The following LIN7A variants were observed in gnomAD, a reference collection of about 807,000 sequenced individuals.
LIN7A encodes the protein lin-7 cell polarity scaffold A.
LIN7A carries 25 observed loss-of-function variants against 29.8 expected under a neutral mutation model. The observed-to-expected ratio is 0.84, with a 90% CI of 0.61 to 1.17. The LOEUF is 1.17. Ranked by LOEUF, LIN7A falls within the 50% of genes most tolerant of loss-of-function variation. The pLI is 0.00. For synonymous variants in LIN7A, 118 were observed against 107.5 expected, an observed-to-expected ratio of 1.10 and a Z score of -0.60; for missense variants, 239 against 287.0, an observed-to-expected ratio of 0.83 and a Z score of 1.21.
At position 80,831,908 on chromosome 12, in the gene LIN7A, A is replaced by C. The variant is rs1872367267; in HGVS notation, c.483+13822T>G. Among the ~76,000 whole-genome samples, 3 of 152,222 alleles carry C rather than the reference A, an allele frequency of 2.0e-5. No homozygotes were observed. In the South Asian group the frequency reaches 6.2e-4, roughly 32 times the overall value. On this transcript the variant is annotated intron_variant, in intron 4 of 5. Transcript: ENST00000552864. The stretch of plus-strand genomic sequence containing the variant: ...TTCAAAATGTAAACAGATCATGGCC[A>C]CAAAAATAAGGGGAATTTCAGGATG...
chr12:80,857,198 GC>G (rs1873648110), intron 2 of LIN7A, among the ~76,000 whole-genome samples: 1 of 152,154 alleles, frequency 6.6e-6, no homozygotes, highest in African/African-American at 2.4e-5. Context: ...CACCTTCTAG[GC>G]CAAGCCAGAT....
At chr12:80,859,862 G>T (rs1241235096) in intron 2 of LIN7A, among the ~76,000 whole-genome samples, 2 of 151,996 alleles carry the variant, frequency 1.3e-5, no homozygotes, top group Non-Finnish European at 2.9e-5. Flanking sequence ...TACTTTTAAT[G>T]TTTATTAGTT....
intron 1 of LIN7A, among the ~76,000 whole-genome samples, chr12:80,895,607 C>A (rs959701096): frequency 6.6e-6 from 1 of 152,192 alleles, no homozygotes; most frequent in African/African-American, 2.4e-5. Flanking sequence ...AAAGAGAATG[C>A]ACTTCTTTTT....
Position 80,927,313 on chromosome 12 carries a change from C to T in LIN7A, c.82+10328G>A, listed in dbSNP as rs1012965910. 2.0e-5 allele frequency among the ~76,000 whole-genome samples: 3 copies of T among 151,938 alleles called. No homozygotes were observed. In the East Asian group the frequency reaches 5.8e-4, roughly 30 times the overall value. On this transcript the variant is annotated intron_variant, in intron 1 of 5. Transcript: ENST00000552864. ...AGTAGCTGGGACTACAGGCGCCCGC[C>T]ACCGCGCCCAGCTAATTTTTTGTAT...
intron 1 of LIN7A, among the ~76,000 whole-genome samples, chr12:80,896,622 C>A (rs924199006): frequency 1.3e-5 from 2 of 152,112 alleles, no homozygotes; most frequent in African/African-American, 4.8e-5. Context: ...AATTGGCAAA[C>A]CCAAAGAAGA....
At chr12:80,927,161 T>TC (rs1565932326) in intron 1 of LIN7A, among the ~76,000 whole-genome samples, 5 of 113,056 alleles carry the variant, frequency 4.4e-5, no homozygotes, top group South Asian at 3.0e-4. Context: ...TTTTCTTTTT[T>TC]TTTTTTTTTT....
chr12:80,825,788 T>C (rs1171382802), intron 4 of LIN7A, among the ~76,000 whole-genome samples: 1 of 152,132 alleles, frequency 6.6e-6, no homozygotes, highest in African/African-American at 2.4e-5. Context: ...ACAGAGATCA[T>C]AGTTTTTCAA....
At chr12:80,888,392 G>A (rs1875446004) in intron 2 of LIN7A, among the ~76,000 whole-genome samples, 2 of 152,142 alleles carry the variant, frequency 1.3e-5, no homozygotes, top group Non-Finnish European at 2.9e-5. Flanking sequence ...AAGAAGAGTT[G>A]TAAAGAGAAA....
chr12:80,937,302 GC>G, intron 1 of LIN7A: 1 of 261,316 alleles, frequency 3.8e-6, no homozygotes, highest in African/African-American at 2.2e-5. Flanking sequence ...CCAACCCCGA[GC>G]CCCTGGCGCC....
At position 80,794,962 on chromosome 12, in the gene LIN7A, G is replaced by A. The variant is rs548833417; in HGVS notation, c.*2765C>T. 8.5e-5 allele frequency: 13 copies of A among 152,110 alleles called. No individual in the cohort carries two copies. Among genetic ancestry groups the A allele is most frequent in the African/African-American group, 2.9e-4 (12 of 41,500 alleles). The allele number at this position is 152,110 out of a possible 1,614,324, so 9.4% of individuals were successfully genotyped here. A position where few individuals can be genotyped will look rare whatever the true frequency, so the allele number is the denominator to read the frequency against. ...AAGTTTAGAAAAATCTATCCCACCG[G>A]CCACTGACCTAAAAAAGGGAAAAAA... On this transcript the variant is annotated 3_prime_UTR_variant, in exon 6 of 6. Transcript: ENST00000552864.
intron 1 of LIN7A, among the ~76,000 whole-genome samples, chr12:80,892,284 TG>T: frequency 6.6e-6 from 1 of 152,272 alleles, no homozygotes; most frequent in East Asian, 1.9e-4. Context: ...AAATATCAAG[TG>T]TTCAATGCAT....
chr12:80,872,948 G>A (rs537550018), intron 2 of LIN7A, among the ~76,000 whole-genome samples: 1 of 152,174 alleles, frequency 6.6e-6, no homozygotes. Context: ...GCACTGTAAG[G>A]TAGAATTCTT....
At chr12:80,818,269 A>G (rs1871630801) in intron 4 of LIN7A, among the ~76,000 whole-genome samples, 1 of 152,072 alleles carries the variant, frequency 6.6e-6, no homozygotes, top group African/African-American at 2.4e-5. Flanking sequence ...TTCTTTCACT[A>G]TCATTTTATT....
chr12:80,931,834 A>G (rs1011136173), intron 1 of LIN7A, among the ~76,000 whole-genome samples: 29 of 152,198 alleles, frequency 1.9e-4, no homozygotes, highest in African/African-American at 6.5e-4. Context: ...GGCTGCTGCT[A>G]TGGGAAGGAT....
At position 80,796,231 on chromosome 12, in the gene LIN7A, A is replaced by G. The variant is rs1019128137; in HGVS notation, c.*1496T>C. ...GGGAATCAATTTCTGTATTTGAGAA[A>G]AGGGAACATTCAAATATTTGCCTGT... On this transcript the variant is annotated 3_prime_UTR_variant, in exon 6 of 6. Coordinates refer to ENST00000552864, the MANE Select transcript of LIN7A (RefSeq NM_004664.4). 10 of 152,194 alleles carry G rather than the reference A, an allele frequency of 6.6e-5. No homozygotes were observed. The highest frequency in any genetic ancestry group is 2.4e-4 in the African/African-American group (10 of 41,456). The allele number at this position is 152,194 out of a possible 1,614,324, so 9.4% of individuals were successfully genotyped here.
chr12:80,807,291 C>T (rs977613053), intron 5 of LIN7A, among the ~76,000 whole-genome samples: 5 of 151,846 alleles, frequency 3.3e-5, no homozygotes, highest in Admixed American at 6.6e-5. Flanking sequence ...AGGATGGTCT[C>T]GATCTCCTGA....
chr12:80,933,423 T>C (rs546812674), intron 1 of LIN7A, among the ~76,000 whole-genome samples: 1 of 152,304 alleles, frequency 6.6e-6, no homozygotes, highest in East Asian at 1.9e-4. Flanking sequence ...TTCCTAAAGA[T>C]CTTATTAATC....
chr12:80,810,747 C>T (rs956435476), intron 5 of LIN7A, among the ~76,000 whole-genome samples: 2 of 152,178 alleles, frequency 1.3e-5, no homozygotes, highest in African/African-American at 4.8e-5. Context: ...TCCTCACTAG[C>T]ACTTGTTATC....
At chr12:80,923,018 T>G (rs940813109) in intron 1 of LIN7A, among the ~76,000 whole-genome samples, 5 of 152,170 alleles carry the variant, frequency 3.3e-5, no homozygotes, top group Non-Finnish European at 7.4e-5. Flanking sequence ...GTTATGTCTG[T>G]GAGGGTGTTT....
Sources: allele counts gnomAD v4.1 joint callset (sites outside exome capture counted in the v4.1 genomes callset), GRCh38; gene constraint gnomAD v4.1.1; transcripts MANE v1.5; gene names NCBI Gene and HGNC (gene_info 2026-07-23, HGNC 2026-07-21).